The following RBFOX1 variants were observed in gnomAD, a reference collection of about 807,000 sequenced individuals.
RBFOX1 encodes the protein RNA binding protein fox-1 homolog 1.
In RBFOX1, 8 loss-of-function variants were observed where a neutral mutation model predicts 57.7. The observed-to-expected ratio is 0.14, with a 90% CI of 0.08 to 0.25. RBFOX1 has a LOEUF of 0.25. Among genes scored for constraint, RBFOX1 ranks in the 10% least tolerant of loss-of-function variants. RBFOX1 has a pLI of 1.00. For synonymous variants in RBFOX1, 326 were observed against 222.4 expected, an observed-to-expected ratio of 1.47 and a Z score of -4.15; for missense variants, 611 against 548.5, an observed-to-expected ratio of 1.11 and a Z score of -1.14.
At chr16:6,897,026 C>A (rs1487398308) in intron 3 of RBFOX1, among the ~76,000 whole-genome samples, 2 of 152,200 alleles carry the variant, frequency 1.3e-5, no homozygotes, top group African/African-American at 4.8e-5. Flanking sequence ...GCAGAGCTCC[C>A]TGTGCCCAGA....
intron 4 of RBFOX1, among the ~76,000 whole-genome samples, chr16:5,998,374 G>T (rs1478974644): frequency 1.3e-5 from 2 of 152,176 alleles, no homozygotes; most frequent in South Asian, 2.1e-4. Flanking sequence ...TATAACAAAA[G>T]AAATAGAGTG....
intron 5 of RBFOX1, among the ~76,000 whole-genome samples, chr16:7,553,720 A>G (rs2087352113): frequency 6.6e-6 from 1 of 152,330 alleles, no homozygotes. Context: ...TGTTTACTGT[A>G]GGTTAGAGTT....
chr16:6,018,331 T>C (rs183513492), upstream of RBFOX1, among the ~76,000 whole-genome samples: 460 of 152,284 alleles, frequency 3.0e-3, 5 homozygotes, highest in African/African-American at 0.01. Flanking sequence ...GTGAAATGGA[T>C]AAACCTCCAG....
At chr16:7,575,771 G>A (rs141429406) in intron 5 of RBFOX1, among the ~76,000 whole-genome samples, 49 of 152,234 alleles carry the variant, frequency 3.2e-4, no homozygotes, top group African/African-American at 1.1e-3. Flanking sequence ...TGTTTTCCCC[G>A]GAAGGTCCCA....
intron 4 of RBFOX1, among the ~76,000 whole-genome samples, chr16:5,894,015 C>T (rs2058102303): frequency 6.6e-6 from 1 of 152,112 alleles, no homozygotes; most frequent in South Asian, 2.1e-4. Context: ...AAAGCTGGGT[C>T]ACCACTAGGA....
intron 2 of RBFOX1, among the ~76,000 whole-genome samples, chr16:5,540,120 C>G (rs1465837000): frequency 6.6e-6 from 1 of 152,106 alleles, no homozygotes; most frequent in Non-Finnish European, 1.5e-5. Context: ...GGGTGCTGAA[C>G]AGAAAAACAA....
chr16:5,675,093 A>G (rs1320506253), intron 3 of RBFOX1, among the ~76,000 whole-genome samples: 1 of 152,102 alleles, frequency 6.6e-6, no homozygotes, highest in East Asian at 1.9e-4. Context: ...GGCTGCAGTG[A>G]GCTGTGATTG....
At chr16:6,964,934 A>C (rs1042683828) in intron 3 of RBFOX1, among the ~76,000 whole-genome samples, 1 of 152,196 alleles carries the variant, frequency 6.6e-6, no homozygotes, top group Non-Finnish European at 1.5e-5. Flanking sequence ...TCTGCGGATT[A>C]AAGGAGATAA....
rs578109324 is a variant in RBFOX1 at position 7,390,711 on chromosome 16, T to C, written c.28-127436T>C. On this transcript the variant is annotated intron_variant, in intron 4 of 15. Coordinates refer to ENST00000550418, the MANE Select transcript of RBFOX1 (RefSeq NM_018723.4). Reference sequence around the variant, plus strand: ...AATATGCTGTCTCTTTACAGAGGAATTAGTGGTTATAAGAACTGACAATGC... The same window carrying C: ...AATATGCTGTCTCTTTACAGAGGAACTAGTGGTTATAAGAACTGACAATGC... Among the ~76,000 whole-genome samples the C allele has an allele frequency of 2.0e-5, 3 of 152,316 alleles. No individual in the cohort carries two copies. In the East Asian group the frequency reaches 5.8e-4, roughly 29 times the overall value.
rs551031175 is a variant in RBFOX1, at chr16:6,880,443, G to T, written c.-15-171614G>T. Reference sequence around the variant, plus strand: ...ACCCAGGTGCAGCCAATCAGGGTTTGCTCTTCCCCTGTGTTGGTCATTGGT... The same window carrying T: ...ACCCAGGTGCAGCCAATCAGGGTTTTCTCTTCCCCTGTGTTGGTCATTGGT... On this transcript the variant is annotated intron_variant, in intron 3 of 15. Transcript: ENST00000550418. Among the ~76,000 whole-genome samples, 9 of 152,320 alleles carry T rather than the reference G, an allele frequency of 5.9e-5. No homozygotes were observed. The South Asian group carries it at 1.9e-3, about 32-fold the overall frequency.
At chr16:6,172,139 G>C (rs2096965445) in intron 1 of RBFOX1, among the ~76,000 whole-genome samples, 2 of 151,928 alleles carry the variant, frequency 1.3e-5, no homozygotes, top group South Asian at 4.2e-4. Context: ...TTTTATCATT[G>C]GTCAAGGATG....
chr16:6,136,917 A>G (rs1279372210), intron 1 of RBFOX1, among the ~76,000 whole-genome samples: 12 of 152,202 alleles, frequency 7.9e-5, no homozygotes, highest in Admixed American at 7.9e-4. Flanking sequence ...TCAGTCTCCT[A>G]GCAAAACAAT....
At chr16:5,294,310 T>A (rs2063609170) in intron 1 of RBFOX1, among the ~76,000 whole-genome samples, 2 of 152,178 alleles carry the variant, frequency 1.3e-5, no homozygotes, top group African/African-American at 4.8e-5. Context: ...TCTGTAGTAA[T>A]TGATCTGGGT....
intron 2 of RBFOX1, among the ~76,000 whole-genome samples, chr16:6,607,575 C>G (rs183386637): frequency 6.7e-6 from 1 of 150,098 alleles, no homozygotes; most frequent in East Asian, 2.0e-4. Flanking sequence ...CCTCTCTCTC[C>G]GTCCTGTCTC....
At chr16:7,141,538 A>G (rs992097611) in intron 4 of RBFOX1, among the ~76,000 whole-genome samples, 1 of 152,108 alleles carries the variant, frequency 6.6e-6, no homozygotes, top group Non-Finnish European at 1.5e-5. Context: ...GATCATTGTT[A>G]TTTTATTTTT....
intron 4 of RBFOX1, among the ~76,000 whole-genome samples, chr16:5,974,609 C>G (rs765069130): frequency 6.6e-6 from 1 of 151,882 alleles, no homozygotes. Flanking sequence ...AAGTCCATCT[C>G]AAAAGAAATA....
intron 5 of RBFOX1, among the ~76,000 whole-genome samples, chr16:7,521,130 A>C (rs2077427142): frequency 6.6e-6 from 1 of 152,200 alleles, no homozygotes; most frequent in Non-Finnish European, 1.5e-5. Flanking sequence ...CAAGGAGATG[A>C]TGCTTAAGGT....
At chr16:7,346,269 A>G (rs367609947) in intron 4 of RBFOX1, among the ~76,000 whole-genome samples, 2 of 151,996 alleles carry the variant, frequency 1.3e-5, no homozygotes, top group African/African-American at 4.8e-5. Context: ...CCCCTGGGCC[A>G]CATGGGACAC....
rs575235024 is a variant in RBFOX1 at position 5,897,016 on chromosome 16, C to CTTTTTTTTTTTTTTTTTTTTTTTTTTT, written c.351+29685_351+29711dup. 2.1e-4 allele frequency among the ~76,000 whole-genome samples: 12 copies of CTTTTTTTTTTTTTTTTTTTTTTTTTTT among 56,468 alleles called. 4 individuals carry two copies. The highest frequency in any genetic ancestry group is 3.0e-4 in the Non-Finnish European group (10 of 32,810). The allele number at this position is 56,468 out of a possible 152,430, so 37.0% of individuals were successfully genotyped here. A position where few individuals can be genotyped will look rare whatever the true frequency, so the allele number is the denominator to read the frequency against. On this transcript the variant is annotated intron_variant, in intron 4 of 19. Transcript: ENST00000641259. ...CCCCCACTAAAAATGTATCCATCCG[C>CTTTTTTTTTTTTTTTTTTTTTTTTTTT]TTTTTTTTTTTTTTTTTTTTTTTTT...
Sources: allele counts gnomAD v4.1 joint callset (sites outside exome capture counted in the v4.1 genomes callset), GRCh38; gene constraint gnomAD v4.1.1; transcripts MANE v1.5; gene names NCBI Gene and HGNC (gene_info 2026-07-23, HGNC 2026-07-21).